The following MRTFA variants were observed in gnomAD, a reference collection of about 807,000 sequenced individuals.
MRTFA encodes the protein myocardin-related transcription factor A.
A neutral mutation model predicts 83.5 loss-of-function variants in MRTFA; 20 were observed. That is an observed-to-expected ratio of 0.24 (90% CI 0.17 to 0.35). The LOEUF is 0.35. Ranked by LOEUF, MRTFA falls within the 10% of genes least tolerant of loss-of-function variation. The probability of loss-of-function intolerance (pLI) is 1.00; values close to 1 mark genes in which losing one functional copy is unlikely to be tolerated. For missense variants in MRTFA, 1,200 were observed against 1,224.7 expected (o/e 0.98, Z 0.30); for synonymous variants, 659 against 541.2 (o/e 1.22, Z -3.02).
chr22:40,506,436 C>A (rs907753695), intron 3 of MRTFA, among the ~76,000 whole-genome samples: 5 of 152,158 alleles, frequency 3.3e-5, no homozygotes, highest in Non-Finnish European at 5.9e-5. Flanking sequence ...TTATACTTCC[C>A]AGCATAACTC....
In MRTFA at chr22:40,424,306, T is replaced by C; in HGVS notation, c.677A>G (p.Glu226Gly). Residue 226 changes from glutamate (E) to glycine (G), a missense_variant, in exon 8 of 15, where the codon GAG becomes GGG. Physicochemically the swap from Glu to Gly is moderately conservative, Grantham distance 98. Around this residue, in one of 2 missense-constraint regions of MRTFA, gnomAD observed 1,107 missense variants for 1,041.8 expected, o/e 1.06. Coordinates refer to ENST00000355630, the MANE Select transcript of MRTFA (RefSeq NM_020831.6). The stretch of plus-strand genomic sequence containing the variant: ...CTGGGACTCATGGCTGGCAGGCTGC[T>C]CGGGGGATAAGGCATCGCTGCTGTC... 6.2e-7 allele frequency: 1 copy of C among 1,612,748 alleles called. No homozygotes were observed. Among genetic ancestry groups the C allele is most frequent in the Non-Finnish European group, 8.5e-7 (1 of 1,179,464 alleles).
At chr22:40,555,176 T>C (rs558801534) in intron 2 of MRTFA, among the ~76,000 whole-genome samples, 3 of 152,322 alleles carry the variant, frequency 2.0e-5, no homozygotes, top group East Asian at 3.9e-4. Flanking sequence ...AGTTAAGACT[T>C]TGGGGGACTA....
intron 1 of MRTFA, among the ~76,000 whole-genome samples, chr22:40,631,801 TAAAG>T (rs2056644902): frequency 6.6e-6 from 1 of 152,240 alleles, no homozygotes; most frequent in South Asian, 2.1e-4. Flanking sequence ...AAATATCTGA[TAAAG>T]GAATTAAATT....
At chr22:40,572,342 G>GTGCA (rs2055808192) in intron 2 of MRTFA, among the ~76,000 whole-genome samples, 1 of 152,114 alleles carries the variant, frequency 6.6e-6, no homozygotes, top group Non-Finnish European at 1.5e-5. Context: ...AGGTGCAGAG[G>GTGCA]TGCACATCTA....
chr22:40,494,540 G>A (rs1196404147), intron 3 of MRTFA, among the ~76,000 whole-genome samples: 3 of 151,906 alleles, frequency 2.0e-5, no homozygotes, highest in East Asian at 3.9e-4. Flanking sequence ...AATTAGCCAG[G>A]TATACTGGTG....
At chr22:40,466,871 T>C (rs1423132827) in intron 3 of MRTFA, among the ~76,000 whole-genome samples, 1 of 152,126 alleles carries the variant, frequency 6.6e-6, no homozygotes, top group Non-Finnish European at 1.5e-5. Context: ...CTAACACATT[T>C]AATAAATTTG....
In MRTFA at chr22:40,416,923, AGGGCTAGAGACACCTAT is replaced by A; in HGVS notation, c.2578+46_2578+62del. On this transcript the variant is annotated intron_variant, in intron 14 of 14. Coordinates refer to ENST00000355630, the MANE Select transcript of MRTFA (RefSeq NM_020831.6). The surrounding 1 kb of genome is among the most constrained non-coding windows in gnomAD (Gnocchi z 4.2). ...GCATTCAATAAAAACAAACCAACCC[AGGGCTAGAGACACCTAT>A]GAACAGAGAAGGCCGTCAGGGAGGC... 6.7e-7 allele frequency: 1 copy of A among 1,481,606 alleles called. No homozygotes were observed. Among genetic ancestry groups the A allele is most frequent in the East Asian group, 2.4e-5 (1 of 41,554 alleles). The allele number at this position is 1,481,606 out of a possible 1,614,324, so 91.8% of individuals were successfully genotyped here. A position where few individuals can be genotyped will look rare whatever the true frequency, so the allele number is the denominator to read the frequency against.
rs566028464 is a variant in MRTFA, at chr22:40,510,766, G to C, written c.241+41340C>G. 2.6e-5 allele frequency among the ~76,000 whole-genome samples: 4 copies of C among 152,196 alleles called. No individual in the cohort carries two copies. The East Asian group carries it at 7.7e-4, about 29-fold the overall frequency. ...AACATAAGGAGAGCACAGCAGAAGGGGCACCGAAGTTTCTGGGGGAATCAA... is the reference window on the plus strand; with the variant it reads ...AACATAAGGAGAGCACAGCAGAAGGCGCACCGAAGTTTCTGGGGGAATCAA... On this transcript the variant is annotated intron_variant, in intron 3 of 14. Transcript: ENST00000355630.
chr22:40,568,780 G>C (rs563921127), intron 2 of MRTFA, among the ~76,000 whole-genome samples: 3 of 152,298 alleles, frequency 2.0e-5, no homozygotes, highest in African/African-American at 7.2e-5. Context: ...AAAGTGCTAA[G>C]ACACACAGCA....
intron 2 of MRTFA, among the ~76,000 whole-genome samples, chr22:40,589,108 G>A (rs1602468067): frequency 1.3e-5 from 2 of 152,146 alleles, no homozygotes. Context: ...TGGTTGGGGG[G>A]TGTATGGTTA....
intron 3 of MRTFA, among the ~76,000 whole-genome samples, chr22:40,471,661 T>C (rs1405366736): frequency 6.6e-6 from 1 of 151,978 alleles, no homozygotes; most frequent in Admixed American, 6.6e-5. Context: ...GGTAGGCGGA[T>C]TGCTTGAGCT....
At chr22:40,475,280 G>A (rs558565416) in intron 3 of MRTFA, among the ~76,000 whole-genome samples, 3 of 152,132 alleles carry the variant, frequency 2.0e-5, no homozygotes, top group African/African-American at 4.8e-5. Flanking sequence ...GTTCACGTCT[G>A]TAATCTCAGC....
intron 3 of MRTFA, among the ~76,000 whole-genome samples, chr22:40,468,647 C>T (rs995370075): frequency 6.6e-6 from 1 of 152,152 alleles, no homozygotes; most frequent in South Asian, 2.1e-4. Flanking sequence ...GAAAAGGCTC[C>T]AAAACAAACT....
chr22:40,593,750 G>C (rs907372239), intron 2 of MRTFA, among the ~76,000 whole-genome samples: 1 of 152,174 alleles, frequency 6.6e-6, no homozygotes, highest in Non-Finnish European at 1.5e-5. Flanking sequence ...TCAAGAACCT[G>C]TGCTAAGTGT....
In MRTFA at chr22:40,552,091, T is replaced by C. The variant is rs1450437825; in HGVS notation, c.241+15A>G. The C allele has an allele frequency of 2.5e-6, 1 of 398,416 alleles. No homozygotes were observed. Among genetic ancestry groups the C allele is most frequent in the Non-Finnish European group, 4.4e-6 (1 of 225,896 alleles). 24.7% of individuals were successfully genotyped at this position (398,416 alleles called of 1,614,324 possible). Reference sequence around the variant, plus strand: ...GGTTCAAATCAGGGAATGCAATAATTCTGTATCTACTCACCATTCTTCCGC... The same window carrying C: ...GGTTCAAATCAGGGAATGCAATAATCCTGTATCTACTCACCATTCTTCCGC... On this transcript the variant is annotated intron_variant, in intron 3 of 14. Transcript: ENST00000355630.
intron 4 of MRTFA, among the ~76,000 whole-genome samples, chr22:40,439,281 T>C (rs182774952): frequency 6.6e-6 from 1 of 152,234 alleles, no homozygotes; most frequent in Non-Finnish European, 1.5e-5. Context: ...GGCAGGTCTA[T>C]CACCTGAGGT....
chr22:40,541,698 G>T (rs1034947222), intron 3 of MRTFA, among the ~76,000 whole-genome samples: 9 of 152,062 alleles, frequency 5.9e-5, no homozygotes, highest in Non-Finnish European at 8.8e-5. Context: ...AGACAGTCTT[G>T]CTCTGTTGCC....
At chr22:40,517,943 A>C (rs562026244) in intron 3 of MRTFA, among the ~76,000 whole-genome samples, 3 of 152,256 alleles carry the variant, frequency 2.0e-5, no homozygotes, top group African/African-American at 7.2e-5. Flanking sequence ...AATCATGCCT[A>C]CATGATGAAG....
chr22:40,419,150 C>A lies in MRTFA; in HGVS notation c.1588G>T (p.Glu530Ter), dbSNP rs772546620. ...CTGGCCACCGTGGCCACCACCACCT[C>A]AGCTGGAGCCAGGCCTGCTGCCACC... The change falls in exon 12 of 15, where the codon GAG (glutamate) becomes TAG (stop). Residue 530 changes from glutamate (E) to a stop codon, truncating the protein, a stop_gained. Coordinates refer to ENST00000355630, the MANE Select transcript of MRTFA (RefSeq NM_020831.6). LOFTEE classifies it high-confidence loss of function. 5 of 1,584,796 alleles carry A rather than the reference C, an allele frequency of 3.2e-6. No homozygotes were observed. The highest frequency in any genetic ancestry group is 4.3e-6 in the Non-Finnish European group (5 of 1,165,372).
Sources: allele counts gnomAD v4.1 joint callset (sites outside exome capture counted in the v4.1 genomes callset), GRCh38; gene constraint gnomAD v4.1.1; regional missense constraint gnomAD v4.1.1; non-coding constraint Gnocchi (gnomAD v3.1); transcripts MANE v1.5; gene names NCBI Gene and HGNC (gene_info 2026-07-23, HGNC 2026-07-21).